MAP4K4: variants seen among roughly 807,000 people sequenced by gnomAD.
The protein encoded by MAP4K4 is mitogen-activated protein kinase kinase kinase kinase 4.
Under a neutral mutation model 189.6 loss-of-function variants are expected in MAP4K4, and 38 were observed. That is an observed-to-expected ratio of 0.20 (90% CI 0.15 to 0.26). The LOEUF (loss-of-function observed/expected upper bound fraction) is 0.26, where lower values mean the gene tolerates loss of function less well. Among genes scored for constraint, MAP4K4 ranks in the 10% least tolerant of loss-of-function variants. The pLI, the probability that MAP4K4 is intolerant of heterozygous loss-of-function variation, is 1.00. For synonymous variants in MAP4K4, 610 were observed against 624.3 expected (o/e 0.98, Z 0.34); for missense variants, 1,054 against 1,726.9 (o/e 0.61, Z 6.91).
chr2:101,697,974 C>T lies in MAP4K4; in HGVS notation c.-107C>T, dbSNP rs932280473. 3.9e-5 allele frequency: 27 copies of T among 685,576 alleles called. No individual in the cohort carries two copies. In the East Asian group the frequency reaches 1.6e-3, roughly 42 times the overall value. 42.5% of individuals were successfully genotyped at this position (685,576 alleles called of 1,614,324 possible). ...CCCCGCGAGGAGAGTACCGGGCCGG[C>T]TCGGCTGCCGCGCGAGGAGCGCGGT... On this transcript the variant is annotated 5_prime_UTR_variant, in exon 1 of 33. Transcript: ENST00000324219.
At chr2:101,875,339 A>G (rs2098168507) in intron 26 of MAP4K4, among the ~76,000 whole-genome samples, 1 of 152,134 alleles carries the variant, frequency 6.6e-6, no homozygotes, top group Admixed American at 6.5e-5. Context: ...TTTTTCTTAT[A>G]CTGATAATCT....
intron 4 of MAP4K4, among the ~76,000 whole-genome samples, chr2:101,824,924 G>A (rs1365488956): frequency 6.6e-6 from 1 of 152,100 alleles, no homozygotes; most frequent in African/African-American, 2.4e-5. Flanking sequence ...ATAGTTTGAG[G>A]ATCATAATGT....
exon 31 of MAP4K4, chr2:101,887,922 A>T (rs2098510490): frequency 1.2e-6 from 2 of 1,608,582 alleles, no homozygotes; most frequent in Non-Finnish European, 1.7e-6. Flanking sequence ...GTGGGGAGAG[A>T]TGCCTACATC....
At chr2:101,777,350 C>T (rs1358308765) in intron 2 of MAP4K4, among the ~76,000 whole-genome samples, 1 of 152,126 alleles carries the variant, frequency 6.6e-6, no homozygotes, top group African/African-American at 2.4e-5. Flanking sequence ...ACTGTGTCTG[C>T]TATTGACAAG....
At chr2:101,771,297 T>C (rs945927087) in intron 2 of MAP4K4, among the ~76,000 whole-genome samples, 2 of 152,190 alleles carry the variant, frequency 1.3e-5, no homozygotes, top group Non-Finnish European at 2.9e-5. Context: ...GCAAACCTTC[T>C]TGTACCTTTT....
intron 2 of MAP4K4, among the ~76,000 whole-genome samples, chr2:101,755,679 G>A (rs909578165): frequency 1.3e-5 from 2 of 151,850 alleles, no homozygotes; most frequent in Non-Finnish European, 2.9e-5. Flanking sequence ...TTCCTCATCT[G>A]CCTCTTAAGT....
exon 25 of MAP4K4, chr2:101,873,684 C>T (rs879019815): frequency 6.2e-7 from 1 of 1,612,726 alleles, no homozygotes; most frequent in South Asian, 1.1e-5. Flanking sequence ...AAACACAAAT[C>T]TTCCTCCTCC....
At chr2:101,726,335 C>A (rs1296461954) in intron 2 of MAP4K4, among the ~76,000 whole-genome samples, 1 of 152,208 alleles carries the variant, frequency 6.6e-6, no homozygotes, top group African/African-American at 2.4e-5. Context: ...GTAAGCATCA[C>A]TGTCCTCACA....
intron 31 of MAP4K4, 58 bp from the exon 32 acceptor site, chr2:101,888,738 A>G: frequency 7.5e-7 from 1 of 1,339,826 alleles, no homozygotes; most frequent in Non-Finnish European, 1.0e-6. Context: ...AGTAAGCAAC[A>G]TCTTTTCAGG....
chr2:101,770,703 T>C (rs1010353980), intron 2 of MAP4K4, among the ~76,000 whole-genome samples: 1 of 152,224 alleles, frequency 6.6e-6, no homozygotes, highest in African/African-American at 2.4e-5. Flanking sequence ...TAGGTCTTCA[T>C]GTCCCCAGTA....
chr2:101,883,680 G>A (rs1443591064), intron 28 of MAP4K4, among the ~76,000 whole-genome samples: 2 of 152,056 alleles, frequency 1.3e-5, no homozygotes, highest in Non-Finnish European at 2.9e-5. Context: ...CGGGCCTATT[G>A]AATGTTTGTT....
intron 3 of MAP4K4, among the ~76,000 whole-genome samples, chr2:101,815,183 G>A (rs1262953864): frequency 6.6e-6 from 1 of 152,142 alleles, no homozygotes; most frequent in African/African-American, 2.4e-5. Context: ...TTTCGTATGC[G>A]TGACTTAATT....
chr2:101,835,430 T>G (rs1464406299), intron 8 of MAP4K4, among the ~76,000 whole-genome samples: 1 of 152,240 alleles, frequency 6.6e-6, no homozygotes, highest in Admixed American at 6.5e-5. Flanking sequence ...ATCCATTTCA[T>G]GCTCAATTTT....
chr2:101,833,298 CA>C (rs1400640495), intron 7 of MAP4K4, among the ~76,000 whole-genome samples: 1 of 152,238 alleles, frequency 6.6e-6, no homozygotes, highest in Middle Eastern at 3.4e-3. Context: ...ATCTACTTTT[CA>C]AAAATCCTTT....
At chr2:101,869,869 GT>G in intron 22 of MAP4K4, 72 bp downstream of exon 22, 1 of 1,456,048 alleles carries the variant, frequency 6.9e-7, no homozygotes, top group Non-Finnish European at 9.1e-7. Flanking sequence ...GGACCTAGTT[GT>G]TCCTAGACTA....
At chr2:101,723,106 G>A (rs540978852) in intron 2 of MAP4K4, among the ~76,000 whole-genome samples, 114 of 152,244 alleles carry the variant, frequency 7.5e-4, no homozygotes, top group African/African-American at 2.4e-3. Flanking sequence ...TTACAAAACC[G>A]CCAGATCTTG....
intron 3 of MAP4K4, among the ~76,000 whole-genome samples, chr2:101,796,681 T>C: frequency 6.6e-6 from 1 of 152,196 alleles, no homozygotes; most frequent in Non-Finnish European, 1.5e-5. Context: ...GAGCAGACTT[T>C]CTTTTAGTTT....
At chr2:101,704,567 ATTTTTT>A (rs57278834) in intron 2 of MAP4K4, among the ~76,000 whole-genome samples, 1 of 23,398 alleles carries the variant, frequency 4.3e-5, no homozygotes, top group African/African-American at 3.2e-4. Flanking sequence ...ATATATATAT[ATTTTTT>A]TTTTTTTTTT....
intron 26 of MAP4K4, among the ~76,000 whole-genome samples, chr2:101,876,784 T>C (rs141354942): frequency 5.9e-5 from 9 of 152,372 alleles, no homozygotes; most frequent in East Asian, 3.9e-4. Flanking sequence ...CCTTATCCTT[T>C]CTTATGTTTA....
Sources: allele counts gnomAD v4.1 joint callset (sites outside exome capture counted in the v4.1 genomes callset), GRCh38; gene constraint gnomAD v4.1.1; transcripts MANE v1.5; gene names NCBI Gene and HGNC (gene_info 2026-07-23, HGNC 2026-07-21).